The following WDFY2 variants were observed in gnomAD, a reference collection of about 807,000 sequenced individuals.
WDFY2 encodes WD repeat and FYVE domain containing 2.
WDFY2 carries 36 observed loss-of-function variants against 56.4 expected under a neutral mutation model. The ratio of observed to expected loss-of-function variants is 0.64; its 90% confidence interval spans 0.49 to 0.84. The LOEUF (loss-of-function observed/expected upper bound fraction) is 0.84, where lower values mean the gene tolerates loss of function less well. Ranked by LOEUF, WDFY2 falls within the 40% of genes least tolerant of loss-of-function variation. The pLI is 0.00. For synonymous variants in WDFY2, 176 were observed against 183.7 expected (o/e 0.96, Z 0.34); for missense variants, 444 against 512.2 (o/e 0.87, Z 1.29).
In WDFY2 at chr13:51,737,341, G is replaced by T. The variant is rs1478763289; in HGVS notation, c.599-1708G>T. On this transcript the variant is annotated intron_variant, in intron 6 of 11. Transcript: ENST00000298125. Reference sequence around the variant, plus strand: ...ATTAACCCATTAATAGATGTCATATGCCTGTTTAATCTGCCAAGAACAAAG... The same window carrying T: ...ATTAACCCATTAATAGATGTCATATTCCTGTTTAATCTGCCAAGAACAAAG... 5.7e-4 allele frequency among the ~76,000 whole-genome samples: 87 copies of T among 152,050 alleles called. 2 individuals are homozygous for T. The highest frequency in any genetic ancestry group is 1.5e-5 in the Non-Finnish European group (1 of 68,008).
chr13:51,613,780 A>G lies in WDFY2; in HGVS notation c.137+28956A>G, dbSNP rs1593878982. ...GATAAGGGTAATTTAACACCAAGTT[A>G]GCACAGGTGACACCATATGTTGCTG... On this transcript the variant is annotated intron_variant, in intron 1 of 11. Coordinates refer to ENST00000298125, the MANE Select transcript of WDFY2 (RefSeq NM_052950.4). Among the ~76,000 whole-genome samples, 3 of 152,298 alleles carry G rather than the reference A, an allele frequency of 2.0e-5. No individual in the cohort carries two copies. The South Asian group carries it at 6.2e-4, about 32-fold the overall frequency.
intron 1 of WDFY2, among the ~76,000 whole-genome samples, chr13:51,612,490 T>A (rs1339180515): frequency 6.6e-6 from 1 of 152,228 alleles, no homozygotes. Flanking sequence ...TTTTTACAAT[T>A]AAATTTTTTT....
intron 1 of WDFY2, among the ~76,000 whole-genome samples, chr13:51,624,718 A>G (rs1954808007): frequency 6.6e-6 from 1 of 152,206 alleles, no homozygotes; most frequent in Non-Finnish European, 1.5e-5. Flanking sequence ...TTTTCCTTTT[A>G]AAAAAGGAAT....
chr13:51,660,260 G>A (rs1362532947), intron 1 of WDFY2, among the ~76,000 whole-genome samples: 3 of 151,718 alleles, frequency 2.0e-5, no homozygotes, highest in African/African-American at 7.3e-5. Flanking sequence ...GCAGTGGCAT[G>A]ATCTTGACTC....
In WDFY2 at chr13:51,645,322, C is replaced by G. The variant is rs371836546; in HGVS notation, c.138-15274C>G. 2.0e-5 allele frequency among the ~76,000 whole-genome samples: 3 copies of G among 152,240 alleles called. No individual in the cohort carries two copies. In the East Asian group the frequency reaches 5.8e-4, roughly 29 times the overall value. On this transcript the variant is annotated intron_variant, in intron 1 of 11. Transcript: ENST00000298125. ...CTTCAAAACCCAGTGGGCTTCACTT[C>G]TCCCAGCCCCTACCCCAAGTTACTT... is the stretch of plus-strand genomic sequence containing the variant.
chr13:51,646,010 C>T (rs1353728889), intron 1 of WDFY2, among the ~76,000 whole-genome samples: 1 of 152,200 alleles, frequency 6.6e-6, no homozygotes, highest in Non-Finnish European at 1.5e-5. Flanking sequence ...ACCCTACATC[C>T]AGCCAGCCCC....
intron 1 of WDFY2, among the ~76,000 whole-genome samples, chr13:51,622,260 T>A (rs1213103937): frequency 6.6e-6 from 1 of 152,250 alleles, no homozygotes; most frequent in African/African-American, 2.4e-5. Context: ...AGTGGAGCAG[T>A]TGACATTCCT....
intron 7 of WDFY2, among the ~76,000 whole-genome samples, chr13:51,745,864 A>G (rs543079467): frequency 6.6e-6 from 1 of 151,768 alleles, no homozygotes; most frequent in South Asian, 2.1e-4. Flanking sequence ...TTGCATATCC[A>G]GAGCCACACA....
intron 3 of WDFY2, among the ~76,000 whole-genome samples, chr13:51,700,149 A>G (rs547808207): frequency 2.6e-5 from 4 of 152,312 alleles, no homozygotes; most frequent in South Asian, 2.1e-4. Flanking sequence ...TAAAAAAAAG[A>G]CATGGAGGGA....
chr13:51,759,394 A>T (rs1168197225), intron 11 of WDFY2, among the ~76,000 whole-genome samples: 1 of 152,184 alleles, frequency 6.6e-6, no homozygotes, highest in East Asian at 1.9e-4. Flanking sequence ...GGCTCATCGA[A>T]TGCTGCCTCA....
intron 1 of WDFY2, among the ~76,000 whole-genome samples, chr13:51,652,501 G>A (rs1293428753): frequency 3.9e-5 from 6 of 152,256 alleles, no homozygotes; most frequent in African/African-American, 1.4e-4. Flanking sequence ...TCCTAGCCTC[G>A]ATGGTCTTTA....
At chr13:51,647,906 G>A (rs1955291024) in intron 1 of WDFY2, among the ~76,000 whole-genome samples, 1 of 152,024 alleles carries the variant, frequency 6.6e-6, no homozygotes, top group South Asian at 2.1e-4. Flanking sequence ...TAGCAACTGT[G>A]TCTGATAAAA....
At chr13:51,724,348 C>G (rs1309923965) in intron 5 of WDFY2, among the ~76,000 whole-genome samples, 1 of 151,124 alleles carries the variant, frequency 6.6e-6, no homozygotes, top group East Asian at 2.0e-4. Context: ...AGCGATTCTC[C>G]TGCCTCAGCC....
intron 1 of WDFY2, chr13:51,591,248 G>A (rs1363918475): frequency 2.0e-5 from 3 of 152,254 alleles, no homozygotes; most frequent in African/African-American, 4.8e-5. Flanking sequence ...GCATGCTTGT[G>A]TGAAACTGTC....
At chr13:51,632,229 CTT>C (rs1490666286) in intron 1 of WDFY2, among the ~76,000 whole-genome samples, 3 of 151,718 alleles carry the variant, frequency 2.0e-5, no homozygotes, top group Non-Finnish European at 4.4e-5. Context: ...CTATTGGACT[CTT>C]TTTCTCTCTG....
At position 51,692,488 on chromosome 13, in the gene WDFY2, G is replaced by T. The variant is rs1951761701; in HGVS notation, c.280-11108G>T. ...TCTCTTTGGTTCTGTTTATATGCTG[G>T]ATTACATTTATTGATTTGCGTATAT... On this transcript the variant is annotated intron_variant, in intron 3 of 11. Transcript: ENST00000298125. 5.3e-5 allele frequency among the ~76,000 whole-genome samples: 8 copies of T among 152,238 alleles called. No homozygotes were observed. In the South Asian group the frequency reaches 1.7e-3, roughly 32 times the overall value.
intron 6 of WDFY2, among the ~76,000 whole-genome samples, chr13:51,729,136 C>A (rs1332993331): frequency 6.6e-6 from 1 of 152,178 alleles, no homozygotes; most frequent in East Asian, 1.9e-4. Flanking sequence ...TCTTGGCAAG[C>A]CTGTCTGATT....
At chr13:51,711,761 A>C (rs1952223687) in intron 4 of WDFY2, among the ~76,000 whole-genome samples, 1 of 152,234 alleles carries the variant, frequency 6.6e-6, no homozygotes, top group African/African-American at 2.4e-5. Flanking sequence ...CACCAGTTAG[A>C]ATGGCGATCA....
chr13:51,637,177 C>T (rs1955070514), intron 1 of WDFY2, among the ~76,000 whole-genome samples: 1 of 152,134 alleles, frequency 6.6e-6, no homozygotes, highest in South Asian at 2.1e-4. Flanking sequence ...TGTGCAGGGA[C>T]ATAGAGGTAT....
Sources: allele counts gnomAD v4.1 joint callset (sites outside exome capture counted in the v4.1 genomes callset), GRCh38; gene constraint gnomAD v4.1.1; transcripts MANE v1.5; gene names NCBI Gene and HGNC (gene_info 2026-07-23, HGNC 2026-07-21).